MACF1: variants seen among roughly 807,000 people sequenced by gnomAD.
MACF1 encodes microtubule-actin cross-linking factor 1.
In MACF1, 193 loss-of-function variants were observed where a neutral mutation model predicts 854.8. The observed-to-expected ratio is 0.23, with a 90% CI of 0.20 to 0.25. The LOEUF (loss-of-function observed/expected upper bound fraction) is 0.25, where lower values mean the gene tolerates loss of function less well. Among genes scored for constraint, MACF1 ranks in the 10% least tolerant of loss-of-function variants. The pLI is 1.00. For missense variants in MACF1, 7,722 were observed against 8,929.1 expected, an observed-to-expected ratio of 0.86 and a Z score of 5.45; for synonymous variants, 3,185 against 3,226.7, an observed-to-expected ratio of 0.99 and a Z score of 0.44.
intron 92 of MACF1, among the ~76,000 whole-genome samples, chr1:39,461,441 G>A (rs766235653): frequency 6.6e-6 from 1 of 152,110 alleles, no homozygotes; most frequent in African/African-American, 2.4e-5. Context: ...GAGTCTATAA[G>A]TGGATATGTA....
At chr1:39,232,746 G>GTTTTTTTTTTTTTTTT (rs10712180) in intron 2 of MACF1, among the ~76,000 whole-genome samples, 21 of 128,468 alleles carry the variant, frequency 1.6e-4, no homozygotes, top group Non-Finnish European at 3.0e-4. Context: ...TACTCTCTTT[G>GTTTTTTTTTTTTTTTT]TTTTTTTTTT....
At chr1:39,246,845 T>C (rs1333786526) in intron 2 of MACF1, among the ~76,000 whole-genome samples, 2 of 151,816 alleles carry the variant, frequency 1.3e-5, no homozygotes, top group African/African-American at 2.4e-5. Context: ...AGCCAGCTTA[T>C]GGACTCATGA....
chr1:39,297,587 A>C, intron 20 of MACF1, 33 bp from the exon 21 acceptor site: 3 of 1,613,362 alleles, frequency 1.9e-6, no homozygotes, highest in Non-Finnish European at 8.5e-7. Flanking sequence ...TAATGTTTTG[A>C]GCAGAAGGCA....
chr1:39,262,587 G>A (rs1209999404), intron 6 of MACF1, among the ~76,000 whole-genome samples: 1 of 151,964 alleles, frequency 6.6e-6, no homozygotes, highest in Non-Finnish European at 1.5e-5. Flanking sequence ...CTCAACAGTG[G>A]GCAGCAGTTA....
rs781197267 is a variant in MACF1, at chr1:39,430,818, G to A, written c.17247G>A (p.Val5749=). The change falls in exon 66 of 101, where the codon GTG becomes GTA. Residue 5749 remains valine, a synonymous_variant. Transcript: ENST00000564288. ...WRAREGLDKL[V]SDANEQYKLV... ...CCAGAGAAGGGCTGGATAAACTTGT[G>A]TCCGATGCTAACGAGCAGTACAAAC... The A allele has an allele frequency of 1.2e-6, 2 of 1,612,686 alleles. No homozygotes were observed. Among genetic ancestry groups the A allele is most frequent in the Non-Finnish European group, 1.7e-6 (2 of 1,180,008 alleles).
intron 97 of MACF1, among the ~76,000 whole-genome samples, chr1:39,478,388 T>C (rs1644951080): frequency 6.6e-6 from 1 of 152,088 alleles, no homozygotes; most frequent in Non-Finnish European, 1.5e-5. Context: ...GACCATTAAG[T>C]CATAGATCAT....
chr1:39,369,032 T>C lies in MACF1; in HGVS notation c.12938+718T>C, dbSNP rs575995406. Among the ~76,000 whole-genome samples the C allele has an allele frequency of 1.1e-3, 151 of 135,594 alleles. 1 individual carries two copies. Among genetic ancestry groups the C allele is most frequent in the Non-Finnish European group, 1.9e-3 (125 of 64,792 alleles). 89.0% of individuals were successfully genotyped at this position (135,594 alleles called of 152,430 possible). ...TTTTTTTTTTTTTAAAGATATGGGGTCTTGCTATGTTGACCAGGCTACTTG... is the reference window on the plus strand; with the variant it reads ...TTTTTTTTTTTTTAAAGATATGGGGCCTTGCTATGTTGACCAGGCTACTTG... On this transcript the variant is annotated intron_variant, in intron 50 of 100. Coordinates refer to ENST00000564288, the MANE Select transcript of MACF1 (RefSeq NM_001394062.1).
At chr1:39,171,052 G>T (rs953369373) in intron 2 of MACF1, among the ~76,000 whole-genome samples, 3 of 152,132 alleles carry the variant, frequency 2.0e-5, no homozygotes, top group Admixed American at 6.5e-5. Context: ...TGTAGGGCTG[G>T]CTCTAAGCTT....
At position 39,476,587 on chromosome 1, in the gene MACF1, G is replaced by T. The variant is rs946495337; in HGVS notation, c.21959-3211G>T. 3.3e-5 allele frequency among the ~76,000 whole-genome samples: 5 copies of T among 150,942 alleles called. No homozygotes were observed. The South Asian group carries it at 6.3e-4, about 19-fold the overall frequency. On this transcript the variant is annotated intron_variant, in intron 97 of 100. Coordinates refer to ENST00000564288, the MANE Select transcript of MACF1 (RefSeq NM_001394062.1). Reference sequence around the variant, plus strand: ...CTCTGTCTCAAAAAAAAAAAAGAAAGAAAGAAATTTATCCTAAGGAAATAT... The same window carrying T: ...CTCTGTCTCAAAAAAAAAAAAGAAATAAAGAAATTTATCCTAAGGAAATAT...
At chr1:39,192,860 C>T (rs1334134579) in intron 2 of MACF1, among the ~76,000 whole-genome samples, 3 of 152,198 alleles carry the variant, frequency 2.0e-5, no homozygotes, top group African/African-American at 7.2e-5. Flanking sequence ...CGCAGTGGCT[C>T]ATGCCTGTAA....
chr1:39,295,854 A>T lies in MACF1; in HGVS notation c.2327A>T (p.His776Leu), dbSNP rs1196102580. The T allele has an allele frequency of 2.5e-6, 4 of 1,614,150 alleles. No individual in the cohort carries two copies. The highest frequency in any genetic ancestry group is 3.4e-6 in the Non-Finnish European group (4 of 1,180,000). Residue 776 changes from histidine to leucine, a missense_variant, in exon 20 of 101, where the codon CAT becomes CTT. Physicochemically the swap from His to Leu is moderately conservative, Grantham distance 99. Coordinates refer to ENST00000564288, the MANE Select transcript of MACF1 (RefSeq NM_001394062.1). Reference protein sequence around the residue: ...MKQLCLCVEQHVKENTAYFQF... With the variant: ...MKQLCLCVEQLVKENTAYFQF... Reference sequence around the variant, plus strand: ...CAGCTGTGCCTGTGTGTTGAGCAGCATGTGAAAGAGAATACTGCTTATTTT... The same window carrying T: ...CAGCTGTGCCTGTGTGTTGAGCAGCTTGTGAAAGAGAATACTGCTTATTTT...
intron 1 of MACF1, among the ~76,000 whole-genome samples, chr1:39,220,184 A>T (rs1029812724): frequency 1.1e-4 from 16 of 150,886 alleles, no homozygotes; most frequent in Non-Finnish European, 2.1e-4. Flanking sequence ...TGAAAAAAAA[A>T]TTTTTTTTTG....
At chr1:39,251,982 C>CAG in intron 4 of MACF1, 41 bp downstream of exon 4, 4 of 1,393,482 alleles carry the variant, frequency 2.9e-6, no homozygotes, top group Non-Finnish European at 3.8e-6. Context: ...GCTGGCACTG[C>CAG]TGGCACTGCA....
intron 99 of MACF1, among the ~76,000 whole-genome samples, chr1:39,483,382 C>T (rs777023093): frequency 9.2e-5 from 14 of 152,280 alleles, no homozygotes; most frequent in South Asian, 8.3e-4. Context: ...GACCTCTCTA[C>T]TAAGGTCATC....
At position 39,352,999 on chromosome 1, in the gene MACF1, G is replaced by T; in HGVS notation, c.11200-8G>T. On this transcript the variant is annotated splice_polypyrimidine_tract_variant and splice_region_variant and intron_variant, in intron 43 of 100. Coordinates refer to ENST00000564288, the MANE Select transcript of MACF1 (RefSeq NM_001394062.1). ...GCCTTCTCACTAGACTACCTCGGTGGCTTTCAGAGTAAAGCAGCAAAGGAA... is the reference window on the plus strand; with the variant it reads ...GCCTTCTCACTAGACTACCTCGGTGTCTTTCAGAGTAAAGCAGCAAAGGAA... 6.2e-7 allele frequency: 1 copy of T among 1,608,470 alleles called. No individual in the cohort carries two copies. The highest frequency in any genetic ancestry group is 8.5e-7 in the Non-Finnish European group (1 of 1,175,134).
chr1:39,454,284 A>G (rs1395217273), intron 88 of MACF1, among the ~76,000 whole-genome samples: 1 of 152,226 alleles, frequency 6.6e-6, no homozygotes, highest in Non-Finnish European at 1.5e-5. Flanking sequence ...ATGTGTGCAG[A>G]GGGCAGACTT....
At position 39,360,012 on chromosome 1, in the gene MACF1, AATATATATAT is replaced by A. The variant is rs1188839648; in HGVS notation, c.12245-749_12245-740del. 9.6e-3 allele frequency among the ~76,000 whole-genome samples: 275 copies of A among 28,766 alleles called. 5 individuals carry two copies. The highest frequency in any genetic ancestry group is 0.026 in the Middle Eastern group (1 of 38). The allele number at this position is 28,766 out of a possible 152,430, so 18.9% of individuals were successfully genotyped here. Reference sequence around the variant, plus strand: ...AAAAAAAAAAAAAAAAAAAAAAAAAAATATATATATATATATATATATATATATATATATA... The same window carrying A: ...AAAAAAAAAAAAAAAAAAAAAAAAAAATATATATATATATATATATATATA... On this transcript the variant is annotated intron_variant, in intron 47 of 100. Transcript: ENST00000564288.
At chr1:39,194,573 C>T (rs1644297388) in intron 2 of MACF1, among the ~76,000 whole-genome samples, 1 of 151,714 alleles carries the variant, frequency 6.6e-6, no homozygotes, top group African/African-American at 2.4e-5. Context: ...AACTCCTGAC[C>T]TTAGGTGATC....
In MACF1 at chr1:39,479,992, C is replaced by T; in HGVS notation, c.22153C>T (p.Pro7385Ser). Residue 7385 changes from proline (P) to serine (S), a missense_variant, in exon 98 of 101, where the codon CCA (proline) becomes TCA (serine). Pro to Ser is a moderately conservative substitution (Grantham distance 74). Coordinates refer to ENST00000564288, the MANE Select transcript of MACF1 (RefSeq NM_001394062.1). ...CTSMPSSPAT[P>S]ASGTKTSLQF... is the part of the protein sequence containing the mutation. ...ATCCATGCCATCTTCTCCAGCCACC[C>T]CAGCCAGTGGAACCAAGGTATGTAC... 6.2e-7 allele frequency: 1 copy of T among 1,614,216 alleles called. No individual in the cohort carries two copies. Among genetic ancestry groups the T allele is most frequent in the Non-Finnish European group, 8.5e-7 (1 of 1,180,020 alleles).
Sources: allele counts gnomAD v4.1 joint callset (sites outside exome capture counted in the v4.1 genomes callset), GRCh38; gene constraint gnomAD v4.1.1; transcripts MANE v1.5; gene names NCBI Gene and HGNC (gene_info 2026-07-23, HGNC 2026-07-21).